NELL2: variants seen among roughly 807,000 people sequenced by gnomAD.
NELL2 encodes the protein neural EGFL like 2.
Under a neutral mutation model 109.6 loss-of-function variants are expected in NELL2, and 41 were observed. That is an observed-to-expected ratio of 0.37 (90% confidence interval 0.29 to 0.49). The LOEUF (loss-of-function observed/expected upper bound fraction) is 0.49. NELL2 is among the 20% of genes least tolerant of loss of function. The pLI is 0.98. For synonymous variants in NELL2, 355 were observed against 344.7 expected (o/e 1.03, Z -0.33); for missense variants, 900 against 1,008.3 (o/e 0.89, Z 1.45).
chr12:44,536,712 T>C (rs748521876), intron 15 of NELL2, among the ~76,000 whole-genome samples: 2 of 152,012 alleles, frequency 1.3e-5, no homozygotes, highest in Non-Finnish European at 2.9e-5. Context: ...TTTTATAATT[T>C]TATTACATAT....
chr12:44,919,156 A>C (rs1945850972), intron 1 of NELL2, among the ~76,000 whole-genome samples: 1 of 152,138 alleles, frequency 6.6e-6, no homozygotes, highest in African/African-American at 2.4e-5. Context: ...AAACATCCTA[A>C]ATGATACAAC....
chr12:44,743,816 T>C (rs990489402), intron 9 of NELL2, among the ~76,000 whole-genome samples: 15 of 152,146 alleles, frequency 9.9e-5, no homozygotes, highest in Non-Finnish European at 1.8e-4. Flanking sequence ...CTTAATGACC[T>C]ACAAAGAGAC....
At chr12:44,529,304 C>A (rs1452262) in intron 16 of NELL2, among the ~76,000 whole-genome samples, 2 of 152,074 alleles carry the variant, frequency 1.3e-5, no homozygotes, top group South Asian at 4.1e-4. Context: ...AGGAAGGAAA[C>A]AATGACTCTA....
intron 15 of NELL2, among the ~76,000 whole-genome samples, chr12:44,587,928 G>A (rs113208785): frequency 6.6e-6 from 1 of 152,098 alleles, no homozygotes; most frequent in Non-Finnish European, 1.5e-5. Flanking sequence ...AAGGCGGGCG[G>A]ATCACGAGGT....
rs1056066014 is a variant in NELL2 at position 44,574,415 on chromosome 12, A to T, written c.1663+32754T>A. Among the ~76,000 whole-genome samples, 4 of 152,342 alleles carry T rather than the reference A, an allele frequency of 2.6e-5. No individual in the cohort carries two copies. The East Asian group carries it at 7.7e-4, about 29-fold the overall frequency. ...GTGGGGTAATATGTTCATCTTTGAC[A>T]TCAAGGACTTTATTAATATTGTCTT... On this transcript the variant is annotated intron_variant, in intron 15 of 19. Transcript: ENST00000429094.
At chr12:44,715,468 T>A (rs1938435988) in intron 9 of NELL2, among the ~76,000 whole-genome samples, 1 of 151,764 alleles carries the variant, frequency 6.6e-6, no homozygotes. Context: ...CCAACAGAAA[T>A]CATTTCCTTG....
intron 15 of NELL2, among the ~76,000 whole-genome samples, chr12:44,561,434 T>C (rs1592121543): frequency 6.6e-6 from 1 of 152,286 alleles, no homozygotes; most frequent in Admixed American, 6.5e-5. Flanking sequence ...AAAAACCCCA[T>C]TGTCTCAGCC....
At chr12:44,671,533 A>G (rs1292040470) in intron 12 of NELL2, among the ~76,000 whole-genome samples, 1 of 152,128 alleles carries the variant, frequency 6.6e-6, no homozygotes, top group African/African-American at 2.4e-5. Context: ...ATTATTACAT[A>G]GAATAACAAA....
chr12:44,623,496 G>A (rs892352545), intron 13 of NELL2, among the ~76,000 whole-genome samples: 1 of 151,888 alleles, frequency 6.6e-6, no homozygotes, highest in Non-Finnish European at 1.5e-5. Context: ...TTTTTTTAAA[G>A]AATTTAAAAT....
chr12:44,773,424 G>T (rs1029482725), intron 9 of NELL2, among the ~76,000 whole-genome samples: 5 of 152,024 alleles, frequency 3.3e-5, no homozygotes, highest in Admixed American at 3.3e-4. Flanking sequence ...TGCAGTGAGC[G>T]GAAATCACGC....
At chr12:44,613,976 G>A (rs1366434334) in intron 13 of NELL2, among the ~76,000 whole-genome samples, 1 of 151,962 alleles carries the variant, frequency 6.6e-6, no homozygotes, top group Non-Finnish European at 1.5e-5. Context: ...GAATAAGGAA[G>A]GAAATTCTAA....
At chr12:44,598,886 C>CACACACACACAT (rs1945080637) in intron 15 of NELL2, among the ~76,000 whole-genome samples, 1 of 120,606 alleles carries the variant, frequency 8.3e-6, no homozygotes, top group Non-Finnish European at 1.8e-5. Flanking sequence ...CACACACACT[C>CACACACACACAT]TCTCTCTCTC....
At chr12:44,866,466 G>A (rs963108412) in intron 2 of NELL2, among the ~76,000 whole-genome samples, 4 of 152,050 alleles carry the variant, frequency 2.6e-5, no homozygotes, top group East Asian at 1.9e-4. Flanking sequence ...AAACATAAAG[G>A]ATGCAGCAAA....
intron 9 of NELL2, among the ~76,000 whole-genome samples, chr12:44,757,509 C>T (rs1044754960): frequency 6.6e-6 from 1 of 152,132 alleles, no homozygotes; most frequent in Non-Finnish European, 1.5e-5. Flanking sequence ...GATTCTCACA[C>T]CATTCACTGT....
chr12:44,537,704 AT>A (rs947611168), intron 15 of NELL2, among the ~76,000 whole-genome samples: 1 of 151,792 alleles, frequency 6.6e-6, no homozygotes, highest in Admixed American at 6.6e-5. Flanking sequence ...TATCTGAAAC[AT>A]TTTTTTTAAT....
At chr12:44,795,839 T>C (rs1326516158) in intron 3 of NELL2, among the ~76,000 whole-genome samples, 1 of 152,184 alleles carries the variant, frequency 6.6e-6, no homozygotes, top group African/African-American at 2.4e-5. Flanking sequence ...AGTGATTCCC[T>C]CACATGTTAA....
chr12:44,622,878 A>C (rs1946109552), intron 13 of NELL2, among the ~76,000 whole-genome samples: 1 of 152,140 alleles, frequency 6.6e-6, no homozygotes, highest in South Asian at 2.1e-4. Context: ...AAAATACAAG[A>C]TAAAAGATAA....
chr12:44,872,988 C>A (rs940718447), intron 2 of NELL2, among the ~76,000 whole-genome samples: 1 of 152,168 alleles, frequency 6.6e-6, no homozygotes, highest in Non-Finnish European at 1.5e-5. Context: ...TTAGCAAAGA[C>A]CTTGCCAAGG....
At chr12:44,737,713 G>T (rs1045686873) in intron 9 of NELL2, among the ~76,000 whole-genome samples, 1 of 151,862 alleles carries the variant, frequency 6.6e-6, no homozygotes, top group Non-Finnish European at 1.5e-5. Flanking sequence ...GTCATTATAC[G>T]TGGGTTTTGC....
Sources: allele counts gnomAD v4.1 joint callset (sites outside exome capture counted in the v4.1 genomes callset), GRCh38; gene constraint gnomAD v4.1.1; transcripts MANE v1.5; gene names NCBI Gene and HGNC (gene_info 2026-07-23, HGNC 2026-07-21).